The following WDR59 variants were observed in gnomAD, a reference collection of about 807,000 sequenced individuals.
WDR59 encodes the protein GATOR2 complex protein WDR59.
In WDR59, 100 loss-of-function variants were observed where a neutral mutation model predicts 131.2. The observed-to-expected ratio is 0.76, with a 90% CI of 0.65 to 0.90. The LOEUF (loss-of-function observed/expected upper bound fraction) is 0.90, where lower values mean the gene tolerates loss of function less well. Among genes scored for constraint, WDR59 ranks in the 40% least tolerant of loss-of-function variants. The probability of loss-of-function intolerance (pLI) is 0.00; values close to 1 mark genes in which losing one functional copy is unlikely to be tolerated. For synonymous variants in WDR59, 601 were observed against 466.2 expected, an observed-to-expected ratio of 1.29 and a Z score of -3.72; for missense variants, 1,203 against 1,262.2, an observed-to-expected ratio of 0.95 and a Z score of 0.71.
chr16:74,913,349 C>T (rs1966201990), intron 13 of WDR59, among the ~76,000 whole-genome samples: 2 of 152,068 alleles, frequency 1.3e-5, no homozygotes, highest in East Asian at 3.9e-4. Context: ...TCACTGCAAC[C>T]TCCACCTTCT....
At chr16:74,911,232 C>T (rs1305592260) in intron 14 of WDR59, among the ~76,000 whole-genome samples, 1 of 152,158 alleles carries the variant, frequency 6.6e-6, no homozygotes, top group Non-Finnish European at 1.5e-5. Flanking sequence ...ACAGAAAAAT[C>T]TATCTTTTTT....
At position 74,932,103 on chromosome 16, in the gene WDR59, TA is replaced by T. The variant is rs371611915; in HGVS notation, c.651+6046del. ...CATATATATATTTATTTTATTTATTTATTTTTTTAAGAGATAGGGTCTCACT... is the reference window on the plus strand; with the variant it reads ...CATATATATATTTATTTTATTTATTTTTTTTTTAAGAGATAGGGTCTCACT... On this transcript the variant is annotated intron_variant, in intron 8 of 25. Transcript: ENST00000262144. Among the ~76,000 whole-genome samples, 78 of 151,008 alleles carry T rather than the reference TA, an allele frequency of 5.2e-4. No individual in the cohort carries two copies. In the East Asian group the frequency reaches 0.012, roughly 24 times the overall value.
At chr16:74,960,664 G>A (rs908637322) in intron 2 of WDR59, among the ~76,000 whole-genome samples, 9 of 150,544 alleles carry the variant, frequency 6.0e-5, no homozygotes, top group Admixed American at 4.7e-4. Flanking sequence ...AAAATCGCTT[G>A]AACCCAGGAA....
intron 25 of WDR59, among the ~76,000 whole-genome samples, chr16:74,877,871 T>A (rs1185055184): frequency 6.6e-6 from 1 of 152,192 alleles, no homozygotes; most frequent in Non-Finnish European, 1.5e-5. Flanking sequence ...AATAACATCA[T>A]TCTGAACCAA....
intron 8 of WDR59, among the ~76,000 whole-genome samples, chr16:74,931,789 G>A (rs2031410965): frequency 1.3e-5 from 2 of 152,050 alleles, no homozygotes; most frequent in South Asian, 2.1e-4. Context: ...TGGGAAGATC[G>A]TTTGAGCCCA....
chr16:74,891,466 T>C (rs190251013), intron 20 of WDR59, among the ~76,000 whole-genome samples: 12 of 152,336 alleles, frequency 7.9e-5, no homozygotes, highest in Admixed American at 7.8e-4. Flanking sequence ...TTAATGACTT[T>C]CTGGGATGAG....
At chr16:74,949,890 A>C (rs750058491) in intron 4 of WDR59, 92 bp from the exon 5 acceptor site, 1 of 1,124,452 alleles carries the variant, frequency 8.9e-7, no homozygotes, top group East Asian at 2.5e-5. Flanking sequence ...CAGTGGCTTC[A>C]GAATGTCATC....
At chr16:74,955,590 T>G (rs2011533) in intron 3 of WDR59, among the ~76,000 whole-genome samples, 69,801 of 151,868 alleles carry the variant, frequency 0.46, 16,311 homozygotes, top group East Asian at 0.72. Context: ...CATCCACAGT[T>G]AAAGGCAGAC....
chr16:74,964,503 T>C (rs928370154), intron 2 of WDR59, among the ~76,000 whole-genome samples: 12 of 152,006 alleles, frequency 7.9e-5, no homozygotes, highest in Non-Finnish European at 1.5e-4. Flanking sequence ...TGGTCAGAGG[T>C]AGGAAGGAAA....
chr16:74,923,706 C>A (rs984107440), intron 9 of WDR59, among the ~76,000 whole-genome samples: 2 of 152,074 alleles, frequency 1.3e-5, no homozygotes, highest in Admixed American at 6.6e-5. Flanking sequence ...AACTCCTGAC[C>A]TCAGGGGATC....
intron 1 of WDR59, among the ~76,000 whole-genome samples, chr16:74,977,563 A>G (rs2034237659): frequency 1.3e-5 from 2 of 152,074 alleles, no homozygotes; most frequent in Non-Finnish European, 2.9e-5. Context: ...TGGCGGGCGC[A>G]TGTAGTCCCA....
intron 1 of WDR59, among the ~76,000 whole-genome samples, chr16:74,983,257 G>A (rs1271090621): frequency 6.6e-6 from 1 of 152,070 alleles, no homozygotes; most frequent in Non-Finnish European, 1.5e-5. Flanking sequence ...TGGATCACTT[G>A]AGGCCAGGAG....
intron 14 of WDR59, among the ~76,000 whole-genome samples, chr16:74,911,535 C>T (rs1966090217): frequency 6.6e-6 from 1 of 152,120 alleles, no homozygotes; most frequent in African/African-American, 2.4e-5. Flanking sequence ...ATGGAGATTC[C>T]ACCTGATTTG....
rs141053654 is a variant in WDR59 at position 74,904,519 on chromosome 16, T to C, written c.1713-419A>G. 5.7e-4 allele frequency among the ~76,000 whole-genome samples: 87 copies of C among 152,296 alleles called. 2 individuals carry two copies. The highest frequency in any genetic ancestry group is 8.1e-4 in the Non-Finnish European group (55 of 68,016). ...AATACAAAATGCTGATGAGAGAAAT[T>C]AAAGGAGACATACAACGATGGAGAA... On this transcript the variant is annotated intron_variant, in intron 17 of 25. Coordinates refer to ENST00000262144, the MANE Select transcript of WDR59 (RefSeq NM_030581.4).
Position 74,873,584 on chromosome 16 carries a change from CTCTT to C in WDR59, c.*621_*624del, listed in dbSNP as rs1258438285. On this transcript the variant is annotated 3_prime_UTR_variant, in exon 26 of 26. Coordinates refer to ENST00000262144, the MANE Select transcript of WDR59 (RefSeq NM_030581.4). ...TCACCATAATGTTGTTTAACTTTCTCTCTTTTTTTTTTTTTTCAAATTACTAGAA... is the reference window on the plus strand; with the variant it reads ...TCACCATAATGTTGTTTAACTTTCTCTTTTTTTTTTTTCAAATTACTAGAA... 1.6e-5 allele frequency: 2 copies of C among 125,864 alleles called. No individual in the cohort carries two copies. Among genetic ancestry groups the C allele is most frequent in the South Asian group, 2.6e-4 (1 of 3,896 alleles). The allele number at this position is 125,864 out of a possible 1,614,324, so 7.8% of individuals were successfully genotyped here. A position where few individuals can be genotyped will look rare whatever the true frequency, so the allele number is the denominator to read the frequency against.
chr16:74,883,161 A>G (rs977115139), intron 25 of WDR59, among the ~76,000 whole-genome samples: 1 of 151,222 alleles, frequency 6.6e-6, no homozygotes, highest in African/African-American at 2.4e-5. Flanking sequence ...AGTAGCTAGG[A>G]CTACAAGCAC....
At chr16:74,883,250 C>G (rs1597630979) in intron 25 of WDR59, among the ~76,000 whole-genome samples, 2 of 152,050 alleles carry the variant, frequency 1.3e-5, no homozygotes, top group Non-Finnish European at 1.5e-5. Flanking sequence ...GTCTCAATCT[C>G]CTGACCTCAT....
At chr16:74,914,215 T>TA (rs954042730) in intron 13 of WDR59, among the ~76,000 whole-genome samples, 252 of 142,562 alleles carry the variant, frequency 1.8e-3, no homozygotes, top group South Asian at 6.2e-3. Flanking sequence ...TCCATCTCAA[T>TA]AAAAAAAAAA....
intron 8 of WDR59, among the ~76,000 whole-genome samples, chr16:74,929,823 A>G (rs1475666837): frequency 6.6e-6 from 1 of 152,254 alleles, no homozygotes; most frequent in East Asian, 1.9e-4. Flanking sequence ...TGTAGTGCAT[A>G]TACACAATGG....
Sources: allele counts gnomAD v4.1 joint callset (sites outside exome capture counted in the v4.1 genomes callset), GRCh38; gene constraint gnomAD v4.1.1; transcripts MANE v1.5; gene names NCBI Gene and HGNC (gene_info 2026-07-23, HGNC 2026-07-21).